LY96: variants seen among roughly 807,000 people sequenced by gnomAD.
LY96 encodes myeloid differentiation protein-2.
In LY96, 18 loss-of-function variants were observed where a neutral mutation model predicts 18.9. That is an observed-to-expected ratio of 0.95 (90% CI 0.66 to 1.41). LY96 has a LOEUF of 1.41. Ranked by LOEUF, LY96 falls within the 40% of genes most tolerant of loss-of-function variation. The pLI, the probability that LY96 is intolerant of heterozygous loss-of-function variation, is 0.00. For synonymous variants in LY96, 66 were observed against 62.6 expected (o/e 1.06, Z -0.26); for missense variants, 175 against 182.4 (o/e 0.96, Z 0.23).
At chr8:74,036,017 G>A in the LY96 span, among the ~76,000 whole-genome samples, 1 of 152,172 alleles carries the variant, frequency 6.6e-6, no homozygotes, top group African/African-American at 2.4e-5. Flanking sequence ...TGTGTCATGG[G>A]TGCATCTTTA....
chr8:73,995,023 T>A (rs920397387), intron 1 of LY96, among the ~76,000 whole-genome samples: 10 of 152,214 alleles, frequency 6.6e-5, no homozygotes, highest in Admixed American at 5.2e-4. Context: ...GAGGTGGGAC[T>A]TTTAAGAGGT....
the LY96 span, among the ~76,000 whole-genome samples, chr8:74,086,812 C>T: frequency 6.6e-6 from 1 of 152,208 alleles, no homozygotes; most frequent in Non-Finnish European, 1.5e-5. Flanking sequence ...CTTGCTCCTT[C>T]CCCATGTGAG....
chr8:74,064,930 C>G, the LY96 span, among the ~76,000 whole-genome samples: 1 of 152,162 alleles, frequency 6.6e-6, no homozygotes, highest in Non-Finnish European at 1.5e-5. Flanking sequence ...GATAAGAACT[C>G]ATTAGGGGTA....
chr8:74,047,789 C>A, the LY96 span, among the ~76,000 whole-genome samples: 1 of 152,128 alleles, frequency 6.6e-6, no homozygotes, highest in East Asian at 1.9e-4. Context: ...CAATGCTAAC[C>A]CTAATCCCAA....
chr8:74,015,544 T>A (rs1342363638), intron 3 of LY96, among the ~76,000 whole-genome samples: 1 of 152,236 alleles, frequency 6.6e-6, no homozygotes, highest in Non-Finnish European at 1.5e-5. Context: ...ACTTGCATAT[T>A]GGACTAGGGC....
At chr8:74,004,388 C>T (rs1449853806) in intron 1 of LY96, among the ~76,000 whole-genome samples, 4 of 152,166 alleles carry the variant, frequency 2.6e-5, no homozygotes, top group Admixed American at 6.5e-5. Context: ...AACTTCTCTC[C>T]TCCCATGGGT....
the LY96 span, among the ~76,000 whole-genome samples, chr8:74,053,685 C>A: frequency 6.6e-6 from 1 of 152,218 alleles, no homozygotes; most frequent in African/African-American, 2.4e-5. Context: ...AACACAAACT[C>A]CAACTCAAAT....
At chr8:74,073,288 C>G in the LY96 span, among the ~76,000 whole-genome samples, 1 of 152,142 alleles carries the variant, frequency 6.6e-6, no homozygotes, top group Non-Finnish European at 1.5e-5. Context: ...GCTGTGGCTT[C>G]CTGCCATCAG....
At chr8:74,096,698 G>A in the LY96 span, among the ~76,000 whole-genome samples, 1 of 152,120 alleles carries the variant, frequency 6.6e-6, no homozygotes, top group Non-Finnish European at 1.5e-5. Context: ...TGGGGGCGGG[G>A]ACTCTGTCTG....
chr8:74,017,258 A>G (rs1816663850), intron 3 of LY96, among the ~76,000 whole-genome samples: 1 of 152,216 alleles, frequency 6.6e-6, no homozygotes, highest in South Asian at 2.1e-4. Flanking sequence ...TGACACATGC[A>G]GAAGCTTCAG....
At chr8:74,027,665 G>C (rs1484667187) in intron 4 of LY96, among the ~76,000 whole-genome samples, 1 of 152,216 alleles carries the variant, frequency 6.6e-6, no homozygotes, top group East Asian at 1.9e-4. Context: ...TGGTTACAGG[G>C]AGAAGGTCTG....
downstream of LY96, among the ~76,000 whole-genome samples, chr8:74,033,186 CA>C (rs151190176): frequency 4.1e-5 from 6 of 148,148 alleles, no homozygotes; most frequent in African/African-American, 1.5e-4. Flanking sequence ...GCATAATTAA[CA>C]AAAAAAAAGA....
chr8:74,057,216 C>T, the LY96 span, among the ~76,000 whole-genome samples: 1 of 152,162 alleles, frequency 6.6e-6, no homozygotes, highest in Admixed American at 6.5e-5. Flanking sequence ...AGGAATTGAA[C>T]ATGCGTATCT....
At chr8:74,099,417 A>G in the LY96 span, 4 of 152,224 alleles carry the variant, frequency 2.6e-5, no homozygotes, top group Admixed American at 2.6e-4. Context: ...TCCCTTTTGC[A>G]GTTTTGGTGC....
chr8:74,026,715 A>G (rs1368497667), intron 3 of LY96, 74 bp from the exon 4 acceptor site: 1 of 797,732 alleles, frequency 1.3e-6, no homozygotes, highest in Non-Finnish European at 2.2e-6. Context: ...GTTAAGGTAT[A>G]CTCCATGCTA....
chr8:74,093,050 A>C, the LY96 span, among the ~76,000 whole-genome samples: 1 of 152,114 alleles, frequency 6.6e-6, no homozygotes, highest in Non-Finnish European at 1.5e-5. Context: ...CCAGCCCATC[A>C]CTGTAGCCTA....
At chr8:74,084,339 T>C in the LY96 span, among the ~76,000 whole-genome samples, 1 of 152,168 alleles carries the variant, frequency 6.6e-6, no homozygotes, top group East Asian at 1.9e-4. Flanking sequence ...GGTTGCTCAG[T>C]GGTAATACTC....
intron 3 of LY96, among the ~76,000 whole-genome samples, chr8:74,015,389 G>A (rs1221038078): frequency 6.6e-6 from 1 of 152,196 alleles, no homozygotes; most frequent in Non-Finnish European, 1.5e-5. Flanking sequence ...GCATGGATCT[G>A]TTCCAGGCCT....
At chr8:74,054,314 A>C in the LY96 span, among the ~76,000 whole-genome samples, 2 of 151,896 alleles carry the variant, frequency 1.3e-5, no homozygotes, top group Admixed American at 6.6e-5. Context: ...AGGCATGAGC[A>C]ACCGTGCTTG....
Sources: allele counts gnomAD v4.1 joint callset (sites outside exome capture counted in the v4.1 genomes callset), GRCh38; gene constraint gnomAD v4.1.1; transcripts MANE v1.5; gene names NCBI Gene and HGNC (gene_info 2026-07-23, HGNC 2026-07-21).